Variants in FARP2 observed in about 807,000 individuals in gnomAD.
FARP2 encodes FERM, ARH/RhoGEF and pleckstrin domain protein 2.
A neutral mutation model predicts 130.5 loss-of-function variants in FARP2; 111 were observed. That is an observed-to-expected ratio of 0.85 (90% CI 0.73 to 1.00). The LOEUF (loss-of-function observed/expected upper bound fraction) is 1.00, where lower values mean the gene tolerates loss of function less well. Ranked by LOEUF, FARP2 falls within the 50% of genes least tolerant of loss-of-function variation. FARP2 has a pLI of 0.00. For synonymous variants in FARP2, 504 were observed against 516.9 expected, an observed-to-expected ratio of 0.98 and a Z score of 0.34; for missense variants, 1,385 against 1,346.3, an observed-to-expected ratio of 1.03 and a Z score of -0.45.
rs183590990 is a variant in FARP2, at chr2:241,411,571, C to T, written c.508+441C>T. On this transcript the variant is annotated intron_variant, in intron 6 of 26. Coordinates refer to ENST00000264042, the MANE Select transcript of FARP2 (RefSeq NM_014808.4). ...CATTTCTTCAGTATCTCACACAGAT[C>T]AAGAGATGGTTCAGAACTGTGTCAA... 5.6e-3 allele frequency among the ~76,000 whole-genome samples: 847 copies of T among 152,274 alleles called. 4 individuals are homozygous for T. The highest frequency in any genetic ancestry group is 0.024 in the Middle Eastern group (7 of 294).
intron 8 of FARP2, among the ~76,000 whole-genome samples, chr2:241,418,494 GTC>G (rs58435588): frequency 0.19 from 28,614 of 151,992 alleles, 2,930 homozygotes; most frequent in East Asian, 0.4. Flanking sequence ...CAGTGGAGCA[GTC>G]TCTGTGCTGT....
intron 13 of FARP2, chr2:241,447,275 G>T (rs962418837): frequency 1.3e-5 from 2 of 152,144 alleles, no homozygotes; most frequent in African/African-American, 4.8e-5. Flanking sequence ...ATCTTCATAG[G>T]CTTCTGAGCA....
At chr2:241,454,714 A>T (rs1213126765) in intron 13 of FARP2, among the ~76,000 whole-genome samples, 1 of 152,234 alleles carries the variant, frequency 6.6e-6, no homozygotes, top group East Asian at 1.9e-4. Flanking sequence ...TGCTTAGTGT[A>T]CTTTAACTGA....
At position 241,457,745 on chromosome 2, in the gene FARP2, A is replaced by G. The variant is rs1325544099; in HGVS notation, c.1587+823A>G. Among the ~76,000 whole-genome samples, 3 of 146,280 alleles carry G rather than the reference A, an allele frequency of 2.1e-5. No individual in the cohort carries two copies. In the East Asian group the frequency reaches 6.0e-4, roughly 29 times the overall value. ...GGTTCTGGAGAGGCTCTTGGGCGGG[A>G]GACCCAGTGTAGAAACATCTGGGTG... On this transcript the variant is annotated intron_variant, in intron 14 of 26. Coordinates refer to ENST00000264042, the MANE Select transcript of FARP2 (RefSeq NM_014808.4).
At chr2:241,369,540 T>C (rs1458285897) in intron 1 of FARP2, among the ~76,000 whole-genome samples, 2 of 151,922 alleles carry the variant, frequency 1.3e-5, no homozygotes, top group Non-Finnish European at 2.9e-5. Context: ...CTTGTCTATT[T>C]TTTTTTTTTA....
At chr2:241,484,012 A>G in intron 20 of FARP2, 2 of 1,339,546 alleles carry the variant, frequency 1.5e-6, no homozygotes, top group Non-Finnish European at 1.9e-6. Context: ...CCAGCTTCTC[A>G]GCCAAGCTAG....
chr2:241,448,931 G>T (rs2063577317), intron 13 of FARP2, among the ~76,000 whole-genome samples: 1 of 152,218 alleles, frequency 6.6e-6, no homozygotes, highest in Admixed American at 6.5e-5. Flanking sequence ...GGGCAGTGAT[G>T]CCGGGTAGGG....
rs532225371 is a variant in FARP2 at position 241,452,738 on chromosome 2, C to T, written c.1412-4009C>T. 6.0e-5 allele frequency among the ~76,000 whole-genome samples: 9 copies of T among 151,014 alleles called. No homozygotes were observed. In the East Asian group the frequency reaches 1.6e-3, roughly 26 times the overall value. On this transcript the variant is annotated intron_variant, in intron 13 of 26. Transcript: ENST00000264042. ...AGTGGAGCACCTGAAGTCATGAGTTCGAGACCAGCCTGGCCAACATGGTGA... is the reference window on the plus strand; with the variant it reads ...AGTGGAGCACCTGAAGTCATGAGTTTGAGACCAGCCTGGCCAACATGGTGA...
At chr2:241,432,874 TG>T (rs1481198079) in intron 9 of FARP2, among the ~76,000 whole-genome samples, 5 of 152,348 alleles carry the variant, frequency 3.3e-5, no homozygotes, top group African/African-American at 1.2e-4. Context: ...AGACACATTT[TG>T]GGTTATGGGA....
At chr2:241,395,759 G>A (rs1431968736) in intron 2 of FARP2, 12 of 151,882 alleles carry the variant, frequency 7.9e-5, no homozygotes, top group Non-Finnish European at 1.6e-4. Context: ...TATGTGGGGG[G>A]AAAAAAGGGC....
At chr2:241,427,519 T>G (rs1574803084) in intron 8 of FARP2, among the ~76,000 whole-genome samples, 1 of 152,140 alleles carries the variant, frequency 6.6e-6, no homozygotes, top group African/African-American at 2.4e-5. Context: ...GTAGAGATGG[T>G]GTGTGTAGGT....
At chr2:241,402,580 T>C (rs907858329) in intron 2 of FARP2, among the ~76,000 whole-genome samples, 1 of 152,052 alleles carries the variant, frequency 6.6e-6, no homozygotes, top group African/African-American at 2.4e-5. Flanking sequence ...CCCAAGATTA[T>C]AGAGATTCTT....
intron 22 of FARP2, 120 bp downstream of exon 22, chr2:241,490,164 C>T: frequency 1.4e-6 from 1 of 712,848 alleles, no homozygotes; most frequent in Non-Finnish European, 2.5e-6. Context: ...GGGGTTGTGC[C>T]CCCTTTGACT....
chr2:241,390,959 C>A (rs552027612), intron 2 of FARP2, among the ~76,000 whole-genome samples: 41 of 152,306 alleles, frequency 2.7e-4, no homozygotes, highest in African/African-American at 9.6e-4. Flanking sequence ...CCCAGGCAGG[C>A]TTCCCTTCTG....
intron 18 of FARP2, among the ~76,000 whole-genome samples, chr2:241,472,142 C>G (rs79894250): frequency 0.046 from 3,460 of 75,640 alleles, 129 homozygotes; most frequent in Admixed American, 0.27. Flanking sequence ...TTGAGGGGAC[C>G]CTGTTCTGAG....
chr2:241,388,559 TAATG>T (rs1410384581), intron 2 of FARP2, among the ~76,000 whole-genome samples: 1 of 152,046 alleles, frequency 6.6e-6, no homozygotes, highest in Non-Finnish European at 1.5e-5. Context: ...AAAGTAAAAA[TAATG>T]AGAGAAAATA....
At chr2:241,383,391 G>A (rs566966833) in intron 2 of FARP2, among the ~76,000 whole-genome samples, 2 of 152,312 alleles carry the variant, frequency 1.3e-5, no homozygotes, top group African/African-American at 2.4e-5. Context: ...GGGAGGGGCC[G>A]GCACAGATCT....
intron 20 of FARP2, 106 bp downstream of exon 20, chr2:241,483,639 T>A: frequency 7.5e-7 from 1 of 1,337,934 alleles, no homozygotes; most frequent in Non-Finnish European, 1.1e-6. Context: ...CTGGGTAGTT[T>A]AGCACTTGGA....
At chr2:241,486,486 A>G (rs1238599333) in intron 21 of FARP2, among the ~76,000 whole-genome samples, 1 of 127,564 alleles carries the variant, frequency 7.8e-6, no homozygotes, top group Non-Finnish European at 1.6e-5. Flanking sequence ...AAAAAAAAAA[A>G]ACACAGAGAA....
Sources: gnomAD v4.1 joint callset for allele counts (sites outside exome capture counted in the v4.1 genomes callset) on GRCh38, gnomAD v4.1.1 for gene constraint, MANE v1.5 for transcripts, NCBI Gene and HGNC (gene_info 2026-07-23, HGNC 2026-07-21) for gene names.